Variants in SOCS6 observed in about 807,000 individuals in gnomAD.
SOCS6 encodes the protein STAT induced STAT inhibitor-4.
In SOCS6, 5 loss-of-function variants were observed where a neutral mutation model predicts 27.7. That is an observed-to-expected ratio of 0.18 (90% confidence interval 0.09 to 0.38). The LOEUF is 0.38. SOCS6 is among the 10% of genes least tolerant of loss of function. The pLI is 1.00. For synonymous variants in SOCS6, 271 were observed against 260.0 expected, an observed-to-expected ratio of 1.04 and a Z score of -0.41; for missense variants, 595 against 688.1, an observed-to-expected ratio of 0.86 and a Z score of 1.51.
Position 70,329,130 on chromosome 18 carries a change from A to G in SOCS6, c.*2854A>G, listed in dbSNP as rs536393615. ...ATAACACTATTATGCATTTTTATAA[A>G]TAAGAAGAAGGCTGTAGAAAGTACT... On this transcript the variant is annotated 3_prime_UTR_variant, in exon 2 of 2. Transcript: ENST00000397942. The G allele has an allele frequency of 4.5e-4, 75 of 167,238 alleles. No homozygotes were observed. The highest frequency in any genetic ancestry group is 1.0e-3 in the African/African-American group (42 of 41,584). 10.4% of individuals were successfully genotyped at this position (167,238 alleles called of 1,614,324 possible).
intron 1 of SOCS6, among the ~76,000 whole-genome samples, chr18:70,315,956 C>T (rs773991144): frequency 6.6e-6 from 1 of 151,994 alleles, no homozygotes; most frequent in Non-Finnish European, 1.5e-5. Flanking sequence ...CTGCAACCTC[C>T]GTCTCCTGGG....
intron 1 of SOCS6, among the ~76,000 whole-genome samples, chr18:70,305,939 A>G (rs980383220): frequency 7.2e-5 from 11 of 151,870 alleles, no homozygotes; most frequent in African/African-American, 1.7e-4. Context: ...TTTTCTACGT[A>G]TAAGATTTTG....
intron 1 of SOCS6, among the ~76,000 whole-genome samples, chr18:70,322,148 A>G (rs1004499789): frequency 2.6e-5 from 4 of 152,202 alleles, no homozygotes; most frequent in Admixed American, 1.3e-4. Flanking sequence ...AAGTATATGT[A>G]TAAACTTAAA....
At chr18:70,299,663 G>A (rs1208894813) in intron 1 of SOCS6, among the ~76,000 whole-genome samples, 1 of 152,146 alleles carries the variant, frequency 6.6e-6, no homozygotes, top group Non-Finnish European at 1.5e-5. Context: ...CACAGCGTTA[G>A]CATTAACAGT....
rs1911337952 is a variant in SOCS6 at position 70,329,531 on chromosome 18, T to C, written c.*3255T>C. 1 of 167,110 alleles carries C rather than the reference T, an allele frequency of 6.0e-6. No individual in the cohort carries two copies. The highest frequency in any genetic ancestry group is 6.5e-5 in the Admixed American group (1 of 15,288). The allele number at this position is 167,110 out of a possible 1,614,324, so 10.4% of individuals were successfully genotyped here. A position where few individuals can be genotyped will look rare whatever the true frequency, so the allele number is the denominator to read the frequency against. ...AGTTTTAATTACATTTCACATTGTATATGAGAGATACTGCTTTATGAATGA... is the reference window on the plus strand; with the variant it reads ...AGTTTTAATTACATTTCACATTGTACATGAGAGATACTGCTTTATGAATGA... On this transcript the variant is annotated 3_prime_UTR_variant, in exon 2 of 2. Coordinates refer to ENST00000397942, the MANE Select transcript of SOCS6 (RefSeq NM_004232.4).
rs1911249275 is a variant in SOCS6, at chr18:70,327,371, T to C, written c.*1095T>C. The C allele has an allele frequency of 6.0e-6, 1 of 166,810 alleles. No individual in the cohort carries two copies. Among genetic ancestry groups the C allele is most frequent in the South Asian group, 2.1e-4 (1 of 4,826 alleles). The allele number at this position is 166,810 out of a possible 1,614,324, so 10.3% of individuals were successfully genotyped here. A position where few individuals can be genotyped will look rare whatever the true frequency, so the allele number is the denominator to read the frequency against. On this transcript the variant is annotated 3_prime_UTR_variant, in exon 2 of 2. Coordinates refer to ENST00000397942, the MANE Select transcript of SOCS6 (RefSeq NM_004232.4). Reference sequence around the variant, plus strand: ...TAGTTACTATAAAAGTGTGCTGGATTTGACCAATCCTTACCCCCACTATAA... The same window carrying C: ...TAGTTACTATAAAAGTGTGCTGGATCTGACCAATCCTTACCCCCACTATAA...
At chr18:70,294,076 G>A (rs113466704) in intron 1 of SOCS6, among the ~76,000 whole-genome samples, 12,901 of 149,598 alleles carry the variant, frequency 0.086, 651 homozygotes, top group Non-Finnish European at 0.094. Flanking sequence ...GGGCAACAGA[G>A]CGAGACTCCG....
At chr18:70,314,396 G>A (rs1247623253) in intron 1 of SOCS6, among the ~76,000 whole-genome samples, 2 of 152,054 alleles carry the variant, frequency 1.3e-5, no homozygotes, top group African/African-American at 2.4e-5. Flanking sequence ...ATGATGAACC[G>A]AGTGTGTAAT....
chr18:70,290,819 T>C (rs2062295755), intron 1 of SOCS6, among the ~76,000 whole-genome samples: 1 of 152,222 alleles, frequency 6.6e-6, no homozygotes, highest in Admixed American at 6.5e-5. Context: ...ACCTTTATCG[T>C]TATCTTCTAA....
intron 1 of SOCS6, among the ~76,000 whole-genome samples, chr18:70,298,574 G>T (rs1207677258): frequency 6.6e-6 from 1 of 152,142 alleles, no homozygotes; most frequent in Non-Finnish European, 1.5e-5. Flanking sequence ...CAATAAGGTT[G>T]CAGATGTGGA....
At position 70,329,564 on chromosome 18, in the gene SOCS6, T is replaced by G. The variant is rs1911339207; in HGVS notation, c.*3288T>G. Reference sequence around the variant, plus strand: ...ATACTGCTTTATGAATGAATCGGAATAATACATTTTCATTTAAATCTTAAT... The same window carrying G: ...ATACTGCTTTATGAATGAATCGGAAGAATACATTTTCATTTAAATCTTAAT... On this transcript the variant is annotated 3_prime_UTR_variant, in exon 2 of 2. Coordinates refer to ENST00000397942, the MANE Select transcript of SOCS6 (RefSeq NM_004232.4). 1 of 167,102 alleles carries G rather than the reference T, an allele frequency of 6.0e-6. No homozygotes were observed. The highest frequency in any genetic ancestry group is 2.4e-5 in the African/African-American group (1 of 41,470). 10.4% of individuals were successfully genotyped at this position (167,102 alleles called of 1,614,324 possible). A position where few individuals can be genotyped will look rare whatever the true frequency, so the allele number is the denominator to read the frequency against.
intron 1 of SOCS6, among the ~76,000 whole-genome samples, chr18:70,293,821 G>A (rs1011361538): frequency 6.6e-5 from 10 of 152,242 alleles, no homozygotes; most frequent in East Asian, 3.9e-4. Flanking sequence ...AGCCGGGCGC[G>A]GTGGCTCGCG....
At chr18:70,291,960 A>C (rs1168477052) in intron 1 of SOCS6, among the ~76,000 whole-genome samples, 1 of 152,198 alleles carries the variant, frequency 6.6e-6, no homozygotes, top group Non-Finnish European at 1.5e-5. Flanking sequence ...ATTGTCATTA[A>C]TGTTTTTATG....
At chr18:70,318,899 G>C (rs949753860) in intron 1 of SOCS6, among the ~76,000 whole-genome samples, 9 of 152,000 alleles carry the variant, frequency 5.9e-5, no homozygotes, top group Admixed American at 3.3e-4. Flanking sequence ...TGGTGCCATT[G>C]CACTCCAGCC....
chr18:70,316,325 A>G (rs1308622179), intron 1 of SOCS6, among the ~76,000 whole-genome samples: 1 of 152,104 alleles, frequency 6.6e-6, no homozygotes, highest in Admixed American at 6.5e-5. Context: ...TTTAAAATTT[A>G]TGAAGGTTTT....
intron 1 of SOCS6, among the ~76,000 whole-genome samples, chr18:70,313,831 A>G (rs1316533319): frequency 1.3e-5 from 2 of 152,230 alleles, no homozygotes; most frequent in Non-Finnish European, 2.9e-5. Context: ...TTTGCATAAC[A>G]AAGTTCACTG....
chr18:70,309,231 TG>T (rs2062380736), intron 1 of SOCS6, among the ~76,000 whole-genome samples: 1 of 152,226 alleles, frequency 6.6e-6, no homozygotes, highest in African/African-American at 2.4e-5. Flanking sequence ...GTCACTTTTT[TG>T]TTTTTTTATC....
chr18:70,304,123 G>A (rs1428389559), intron 1 of SOCS6, among the ~76,000 whole-genome samples: 1 of 152,106 alleles, frequency 6.6e-6, no homozygotes, highest in Non-Finnish European at 1.5e-5. Context: ...AATAGAAGGG[G>A]CAGATAGTAA....
At chr18:70,314,995 A>T (rs1192232325) in intron 1 of SOCS6, among the ~76,000 whole-genome samples, 2 of 151,698 alleles carry the variant, frequency 1.3e-5, no homozygotes, top group Non-Finnish European at 2.9e-5. Context: ...TACTCCTTTG[A>T]TCTAAGGTAA....
Sources: allele counts gnomAD v4.1 joint callset (sites outside exome capture counted in the v4.1 genomes callset), GRCh38; gene constraint gnomAD v4.1.1; transcripts MANE v1.5; gene names NCBI Gene and HGNC (gene_info 2026-07-23, HGNC 2026-07-21).